The following PYY variants were observed in gnomAD, a reference collection of about 807,000 sequenced individuals.
The protein encoded by PYY is peptide tyrosine tyrosine.
Under a neutral mutation model 10.3 loss-of-function variants are expected in PYY, and 12 were observed. The ratio of observed to expected loss-of-function variants is 1.17; its 90% CI spans 0.75 to 1.89. The LOEUF is 1.89. PYY is among the 40% of genes most tolerant of loss of function. The pLI, the probability that PYY is intolerant of heterozygous loss-of-function variation, is 0.00. For synonymous variants in PYY, 66 were observed against 62.0 expected (o/e 1.06, Z -0.30); for missense variants, 141 against 134.0 (o/e 1.05, Z -0.26).
intron 2 of PYY, among the ~76,000 whole-genome samples, chr17:43,963,628 G>GAA (rs2048734234): frequency 7.9e-6 from 1 of 126,098 alleles, no homozygotes; most frequent in African/African-American, 2.9e-5. Context: ...GAAAGAAAGA[G>GAA]AAAGAAAGAA....
At chr17:43,976,276 T>TACACACATATGTATACATGTATAC (rs2048841876) in intron 1 of PYY, among the ~76,000 whole-genome samples, 1 of 146,252 alleles carries the variant, frequency 6.8e-6, no homozygotes, top group Non-Finnish European at 1.5e-5. Flanking sequence ...CATGTACGTA[T>TACACACATATGTATACATGTATAC]ATATACGCAT....
chr17:43,976,283 G>T, intron 1 of PYY, among the ~76,000 whole-genome samples: 1 of 87,182 alleles, frequency 1.1e-5, no homozygotes, highest in Middle Eastern at 9.8e-3. Context: ...GTATATATAC[G>T]CATATGTATA....
chr17:43,976,900 T>C (rs1188080866), intron 1 of PYY, among the ~76,000 whole-genome samples: 1 of 152,214 alleles, frequency 6.6e-6, no homozygotes, highest in Non-Finnish European at 1.5e-5. Flanking sequence ...CACCAGTGCC[T>C]GGCACAGAAG....
chr17:43,972,106 A>T (rs1415474096), intron 1 of PYY, among the ~76,000 whole-genome samples: 1 of 151,946 alleles, frequency 6.6e-6, no homozygotes, highest in Non-Finnish European at 1.5e-5. Flanking sequence ...GAATCTATAC[A>T]TGTGTTAAAG....
intron 1 of PYY, among the ~76,000 whole-genome samples, chr17:43,994,786 C>T (rs1043888218): frequency 6.6e-6 from 1 of 152,242 alleles, no homozygotes; most frequent in African/African-American, 2.4e-5. Flanking sequence ...TGCGTTTTCC[C>T]GGAAGGGTTG....
intron 1 of PYY, among the ~76,000 whole-genome samples, chr17:43,988,105 G>A (rs781428548): frequency 9.9e-5 from 15 of 151,926 alleles, no homozygotes; most frequent in Admixed American, 2.0e-4. Flanking sequence ...TGACCCGTGG[G>A]AGCCCCAGAG....
chr17:43,994,367 G>T (rs1044778251), intron 1 of PYY, among the ~76,000 whole-genome samples: 1 of 151,972 alleles, frequency 6.6e-6, no homozygotes, highest in Middle Eastern at 3.4e-3. Context: ...TCAAGCTACC[G>T]TCGGCTTTAC....
chr17:43,978,561 C>A (rs955378029), intron 1 of PYY, among the ~76,000 whole-genome samples: 2 of 152,070 alleles, frequency 1.3e-5, no homozygotes, highest in Admixed American at 6.6e-5. Flanking sequence ...TATTTAAAGA[C>A]CCCCCTTGCC....
At chr17:43,989,170 C>T (rs530053116) in intron 1 of PYY, among the ~76,000 whole-genome samples, 191 of 151,958 alleles carry the variant, frequency 1.3e-3, no homozygotes, top group African/African-American at 3.3e-3. Flanking sequence ...GTCAGGAGAT[C>T]AAGACCATCC....
At chr17:44,001,011 G>T (rs1024879443) in intron 1 of PYY, among the ~76,000 whole-genome samples, 1 of 152,060 alleles carries the variant, frequency 6.6e-6, no homozygotes, top group Non-Finnish European at 1.5e-5. Flanking sequence ...GTGTCTCTTT[G>T]TACACCCGTG....
At chr17:43,989,131 T>A (rs779003958) in intron 1 of PYY, among the ~76,000 whole-genome samples, 112 of 151,862 alleles carry the variant, frequency 7.4e-4, no homozygotes, top group Non-Finnish European at 9.3e-4. Flanking sequence ...TCCCAAGACT[T>A]CGGGAGGCCA....
intron 2 of PYY, among the ~76,000 whole-genome samples, chr17:43,962,471 A>C (rs536809702): frequency 1.1e-5 from 1 of 91,844 alleles, no homozygotes; most frequent in South Asian, 3.0e-4. Flanking sequence ...GAGAATGCTT[A>C]AGATCTACAC....
intron 2 of PYY, among the ~76,000 whole-genome samples, chr17:43,963,775 C>G (rs1393098552): frequency 6.6e-6 from 1 of 151,082 alleles, no homozygotes; most frequent in African/African-American, 2.4e-5. Flanking sequence ...CGAGACTAGA[C>G]TGGGCAACAT....
intron 1 of PYY, among the ~76,000 whole-genome samples, chr17:43,985,475 G>A (rs984941445): frequency 3.9e-5 from 6 of 152,192 alleles, no homozygotes; most frequent in Non-Finnish European, 8.8e-5. Flanking sequence ...GCCTCCCAAA[G>A]TGTAGCCACA....
At chr17:43,983,127 G>A (rs981611478) in intron 1 of PYY, among the ~76,000 whole-genome samples, 5 of 152,318 alleles carry the variant, frequency 3.3e-5, no homozygotes, top group South Asian at 2.1e-4. Flanking sequence ...AGCTACTTGG[G>A]TGGCTGAGGC....
upstream of PYY, among the ~76,000 whole-genome samples, chr17:43,958,743 C>T (rs1295486959): frequency 6.6e-6 from 1 of 152,194 alleles, no homozygotes; most frequent in Non-Finnish European, 1.5e-5. Context: ...AGTTTGCTGA[C>T]CCCTGGTCTA....
chr17:43,964,012 A>G (rs550641173), intron 2 of PYY, among the ~76,000 whole-genome samples: 2 of 151,144 alleles, frequency 1.3e-5, no homozygotes, highest in Admixed American at 1.3e-4. Flanking sequence ...CTGTCTCTAT[A>G]AAGAAAGTTA....
At chr17:43,983,551 G>T (rs750837835) in intron 1 of PYY, among the ~76,000 whole-genome samples, 1 of 152,206 alleles carries the variant, frequency 6.6e-6, no homozygotes, top group East Asian at 1.9e-4. Context: ...GCTACAGGGG[G>T]CACTGCAGGG....
chr17:43,987,163 A>C lies in PYY; in HGVS notation c.-463+17228T>G, dbSNP rs2048921188. Reference sequence around the variant, plus strand: ...CCCTGAAACCATGTCTCTATTACCAATATCATCAGACTGGGCAGAGCTCTC... The same window carrying C: ...CCCTGAAACCATGTCTCTATTACCACTATCATCAGACTGGGCAGAGCTCTC... On this transcript the variant is annotated intron_variant, in intron 1 of 6. Coordinates refer to the PYY transcript ENST00000360085. This position sits in a 1 kb window ranked among gnomAD's most constrained non-coding sequence, Gnocchi z 4.0. 6.6e-6 allele frequency among the ~76,000 whole-genome samples: 1 copy of C among 152,068 alleles called. No individual in the cohort carries two copies. The highest frequency in any genetic ancestry group is 2.4e-5 in the African/African-American group (1 of 41,394).
Sources: allele counts gnomAD v4.1 joint callset (sites outside exome capture counted in the v4.1 genomes callset), GRCh38; gene constraint gnomAD v4.1.1; non-coding constraint Gnocchi (gnomAD v3.1); transcripts MANE v1.5; gene names NCBI Gene and HGNC (gene_info 2026-07-23, HGNC 2026-07-21).